Variants in AMPH observed in about 807,000 individuals in gnomAD.
The protein encoded by AMPH is amphiphysin.
A neutral mutation model predicts 99.1 loss-of-function variants in AMPH; 49 were observed. The ratio of observed to expected loss-of-function variants is 0.49; its 90% CI spans 0.39 to 0.63. The LOEUF (loss-of-function observed/expected upper bound fraction) is 0.63, where lower values mean the gene tolerates loss of function less well. Among genes scored for constraint, AMPH ranks in the 20% least tolerant of loss-of-function variants. The pLI is 0.00. For missense variants in AMPH, 759 were observed against 863.4 expected (o/e 0.88, Z 1.52); for synonymous variants, 314 against 317.3 (o/e 0.99, Z 0.11).
chr7:38,503,810 G>GA (rs1183659379), intron 2 of AMPH, 106 bp from the exon 3 acceptor site: 11 of 1,096,026 alleles, frequency 1.0e-5, no homozygotes, highest in African/African-American at 3.1e-5. Flanking sequence ...CTCATTCTTG[G>GA]AAAAAAACAT....
At chr7:38,517,703 A>G (rs1789802573) in intron 2 of AMPH, among the ~76,000 whole-genome samples, 1 of 152,240 alleles carries the variant, frequency 6.6e-6, no homozygotes, top group African/African-American at 2.4e-5. Flanking sequence ...TAGAGAAAAG[A>G]AATTACTTAA....
rs3778877 is a variant in AMPH at position 38,496,465 on chromosome 7, C to T, written c.206-1938G>A. ...CTGAAGAGACTTGACCACCATCGGA[C>T]GAAGCCCTTGCAGAGTCTGGGGTAG... On this transcript the variant is annotated intron_variant, in intron 3 of 20. Transcript: ENST00000356264. Among the ~76,000 whole-genome samples, 528 of 152,158 alleles carry T rather than the reference C, an allele frequency of 3.5e-3. 19 individuals are homozygous for T. The East Asian group carries it at 0.065, about 19-fold the overall frequency.
At chr7:38,395,852 A>AC (rs1373893057) in intron 17 of AMPH, among the ~76,000 whole-genome samples, 1 of 152,222 alleles carries the variant, frequency 6.6e-6, no homozygotes, top group East Asian at 1.9e-4. Context: ...ACACATCTAC[A>AC]CTTATAACAA....
At chr7:38,428,082 T>G (rs1282576054) in intron 14 of AMPH, 3 of 456,648 alleles carry the variant, frequency 6.6e-6, no homozygotes, top group Non-Finnish European at 1.3e-5. Context: ...TTCTTCCTTG[T>G]GCTCAACTAC....
At chr7:38,400,344 C>A (rs1195167559) in intron 17 of AMPH, among the ~76,000 whole-genome samples, 1 of 152,226 alleles carries the variant, frequency 6.6e-6, no homozygotes, top group African/African-American at 2.4e-5. Flanking sequence ...TCCCAAAGTG[C>A]TGGGATTACA....
At chr7:38,528,741 T>G (rs1053735168) in intron 2 of AMPH, among the ~76,000 whole-genome samples, 6 of 152,030 alleles carry the variant, frequency 3.9e-5, no homozygotes, top group African/African-American at 1.4e-4. Flanking sequence ...TGTTCTTTTT[T>G]TATTTCCTTC....
chr7:38,582,525 C>A (rs1792504076), intron 1 of AMPH, among the ~76,000 whole-genome samples: 1 of 152,186 alleles, frequency 6.6e-6, no homozygotes, highest in Non-Finnish European at 1.5e-5. Context: ...TTCAAAGATT[C>A]CATGACATAT....
intron 1 of AMPH, among the ~76,000 whole-genome samples, chr7:38,593,264 G>A (rs565729352): frequency 6.6e-6 from 1 of 152,318 alleles, no homozygotes; most frequent in African/African-American, 2.4e-5. Flanking sequence ...CTCTAGTGAA[G>A]CAGAAACTAT....
chr7:38,475,592 C>G (rs192101738), intron 6 of AMPH, among the ~76,000 whole-genome samples, 176 bp from the exon 7 acceptor site: 3 of 152,130 alleles, frequency 2.0e-5, no homozygotes, highest in African/African-American at 7.2e-5. Context: ...ACTAAGACTC[C>G]CTAAAACTGG....
At chr7:38,592,677 G>C (rs1023556958) in intron 1 of AMPH, among the ~76,000 whole-genome samples, 1 of 151,102 alleles carries the variant, frequency 6.6e-6, no homozygotes, top group South Asian at 2.1e-4. Flanking sequence ...GTTGCAGTGT[G>C]CTGAGGTCAT....
At chr7:38,473,857 C>A (rs1271205768) in intron 7 of AMPH, among the ~76,000 whole-genome samples, 1 of 147,990 alleles carries the variant, frequency 6.8e-6, no homozygotes, top group Admixed American at 6.7e-5. Context: ...TAAATAAATT[C>A]AAATCATAAA....
At chr7:38,421,967 A>G (rs1445907643) in intron 16 of AMPH, among the ~76,000 whole-genome samples, 2 of 152,162 alleles carry the variant, frequency 1.3e-5, no homozygotes, top group African/African-American at 4.8e-5. Flanking sequence ...TTTGGTATCA[A>G]ATTAGGAATC....
At chr7:38,431,611 G>A (rs1359466933) in intron 13 of AMPH, among the ~76,000 whole-genome samples, 1 of 149,654 alleles carries the variant, frequency 6.7e-6, no homozygotes, top group Non-Finnish European at 1.5e-5. Context: ...AGCCGAGACA[G>A]TGCCATTGCA....
intron 1 of AMPH, among the ~76,000 whole-genome samples, chr7:38,574,723 C>T (rs1018068615): frequency 2.6e-4 from 39 of 151,912 alleles, no homozygotes; most frequent in African/African-American, 8.5e-4. Flanking sequence ...TTTTTCTAGG[C>T]CTTCCAAATT....
In AMPH at chr7:38,415,706, A is replaced by T. The variant is rs1019284; in HGVS notation, c.1398+2119T>A. Among the ~76,000 whole-genome samples, 20 of 152,206 alleles carry T rather than the reference A, an allele frequency of 1.3e-4. No homozygotes were observed. The South Asian group carries it at 3.7e-3, about 28-fold the overall frequency. ...ACTACTGATGACCATTAGGCAAACT[A>T]AATTGCTGTAAACTGTCTCCTCTTA... On this transcript the variant is annotated intron_variant, in intron 17 of 20. Transcript: ENST00000356264.
chr7:38,571,928 G>C (rs1209241990), intron 1 of AMPH, among the ~76,000 whole-genome samples: 1 of 149,654 alleles, frequency 6.7e-6, no homozygotes, highest in African/African-American at 2.5e-5. Flanking sequence ...TTTTTGAGAT[G>C]GAGTTTTGCT....
At chr7:38,563,144 T>TGAAC (rs1386428023) in intron 1 of AMPH, among the ~76,000 whole-genome samples, 2 of 151,908 alleles carry the variant, frequency 1.3e-5, no homozygotes, top group Non-Finnish European at 2.9e-5. Flanking sequence ...GATGAATGAA[T>TGAAC]GAATGAATGA....
At chr7:38,502,022 T>C (rs1301787648) in intron 3 of AMPH, among the ~76,000 whole-genome samples, 1 of 152,236 alleles carries the variant, frequency 6.6e-6, no homozygotes, top group Non-Finnish European at 1.5e-5. Context: ...CATCCATCTA[T>C]AGTTCTACTT....
intron 17 of AMPH, among the ~76,000 whole-genome samples, chr7:38,407,980 T>C (rs1459569185): frequency 6.6e-6 from 1 of 152,236 alleles, no homozygotes; most frequent in Admixed American, 6.5e-5. Flanking sequence ...TTCCAGACTG[T>C]ATCTCAGGTG....
Sources: allele counts gnomAD v4.1 joint callset (sites outside exome capture counted in the v4.1 genomes callset), GRCh38; gene constraint gnomAD v4.1.1; transcripts MANE v1.5; gene names NCBI Gene and HGNC (gene_info 2026-07-23, HGNC 2026-07-21).